Variants in FAM83D observed in about 807,000 individuals in gnomAD.
FAM83D encodes the protein protein FAM83D.
A neutral mutation model predicts 25.4 loss-of-function variants in FAM83D; 26 were observed. The observed-to-expected ratio is 1.02, with a 90% confidence interval of 0.75 to 1.42. FAM83D has a LOEUF of 1.42. Ranked by LOEUF, FAM83D falls within the 40% of genes most tolerant of loss-of-function variation. FAM83D has a pLI of 0.00. For synonymous variants in FAM83D, 310 were observed against 318.5 expected (o/e 0.97, Z 0.28); for missense variants, 740 against 758.1 (o/e 0.98, Z 0.28).
rs2085704425 is a variant in FAM83D, at chr20:38,941,992, A to G, written c.517A>G (p.Ile173Val). The G allele has an allele frequency of 6.2e-7, 1 of 1,614,210 alleles. No individual in the cohort carries two copies. The highest frequency in any genetic ancestry group is 8.5e-7 in the Non-Finnish European group (1 of 1,180,040). Residue 173 changes from isoleucine to valine, a missense_variant, in exon 2 of 4, where the codon ATC becomes GTC. Physicochemically the swap from Ile to Val is conservative, Grantham distance 29. Coordinates refer to ENST00000619850, the MANE Select transcript of FAM83D (RefSeq NM_030919.3). The stretch of plus-strand genomic sequence containing the variant: ...AGTGGTCATGGACGTGTTCACAGAC[A>G]TCGACATCTTCAGAGACCTGCAAGA... ...IAVVMDVFTD[I>V]DIFRDLQEIC...
rs1367784961 is a variant in FAM83D, at chr20:38,952,730, A to G, written c.*210A>G. 3.2e-6 allele frequency: 2 copies of G among 616,150 alleles called. No individual in the cohort carries two copies. Among genetic ancestry groups the G allele is most frequent in the Admixed American group, 3.2e-5 (1 of 30,936 alleles). 38.2% of individuals were successfully genotyped at this position (616,150 alleles called of 1,614,324 possible). A position where few individuals can be genotyped will look rare whatever the true frequency, so the allele number is the denominator to read the frequency against. ...GTATTGGTTTTATGGTTTAAACACT[A>G]TGGATACAGGGGTTTGTTTTGCACA... On this transcript the variant is annotated 3_prime_UTR_variant, in exon 4 of 4. Transcript: ENST00000619850.
chr20:38,933,017 C>T (rs2085664673), intron 1 of FAM83D, among the ~76,000 whole-genome samples: 1 of 152,212 alleles, frequency 6.6e-6, no homozygotes, highest in African/African-American at 2.4e-5. Context: ...CTTTCCTGTT[C>T]TTGCACAACT....
At chr20:38,937,640 A>G (rs2085684408) in intron 1 of FAM83D, among the ~76,000 whole-genome samples, 1 of 152,196 alleles carries the variant, frequency 6.6e-6, no homozygotes, top group Admixed American at 6.5e-5. Flanking sequence ...GATTGCTTCT[A>G]CAGTAGGACT....
chr20:38,936,987 G>A (rs1268065922), intron 1 of FAM83D, among the ~76,000 whole-genome samples: 1 of 152,202 alleles, frequency 6.6e-6, no homozygotes, highest in East Asian at 1.9e-4. Context: ...GAGAGAGGTA[G>A]GCTTGTGATT....
chr20:38,929,502 A>G (rs955576207), intron 1 of FAM83D, among the ~76,000 whole-genome samples: 1 of 152,126 alleles, frequency 6.6e-6, no homozygotes, highest in Non-Finnish European at 1.5e-5. Flanking sequence ...GGGGCAGCCA[A>G]ATTCCCCACA....
chr20:38,950,759 C>G (rs1413124083), intron 3 of FAM83D, among the ~76,000 whole-genome samples: 2 of 152,092 alleles, frequency 1.3e-5, no homozygotes, highest in Non-Finnish European at 2.9e-5. Context: ...AGTTTTCTTA[C>G]CTTTAAAATG....
chr20:38,951,468 C>T, intron 3 of FAM83D, 71 bp from the exon 4 acceptor site: 5 of 1,515,786 alleles, frequency 3.3e-6, no homozygotes, highest in Middle Eastern at 4.1e-4. Context: ...CTATATTATT[C>T]AGATGGACAG....
chr20:38,937,784 T>A (rs2085684807), intron 1 of FAM83D, among the ~76,000 whole-genome samples: 1 of 152,106 alleles, frequency 6.6e-6, no homozygotes, highest in Admixed American at 6.5e-5. Context: ...CTGGGCAACA[T>A]GGTGGGATTC....
At chr20:38,946,848 T>C (rs770277693) in intron 2 of FAM83D, among the ~76,000 whole-genome samples, 7 of 152,250 alleles carry the variant, frequency 4.6e-5, no homozygotes, top group Non-Finnish European at 1.0e-4. Flanking sequence ...TTGTCTGTTA[T>C]GAATAAAGTT....
rs980684891 is a variant in FAM83D at position 38,929,600 on chromosome 20, C to T, written c.483+2675C>T. Among the ~76,000 whole-genome samples, 9 of 146,828 alleles carry T rather than the reference C, an allele frequency of 6.1e-5. No homozygotes were observed. In the Admixed American group the frequency reaches 6.1e-4, roughly 10 times the overall value. On this transcript the variant is annotated intron_variant, in intron 1 of 3. Coordinates refer to ENST00000619850, the MANE Select transcript of FAM83D (RefSeq NM_030919.3). The stretch of plus-strand genomic sequence containing the variant: ...AGTGCTGAATTTGAGGTCCCAAAGA[C>T]AATCTCTTTTGTTTAAAAAAAAAAA...
chr20:38,942,221 C>T (rs2085706121), intron 2 of FAM83D, 95 bp downstream of exon 2: 1 of 1,361,280 alleles, frequency 7.3e-7, no homozygotes, highest in Non-Finnish European at 1.0e-6. Flanking sequence ...TCCCTGTTTA[C>T]AAGGAAGGGA....
At chr20:38,948,167 A>G (rs191849209) in intron 3 of FAM83D, among the ~76,000 whole-genome samples, 167 bp downstream of exon 3, 36 of 152,352 alleles carry the variant, frequency 2.4e-4, no homozygotes, top group Admixed American at 2.2e-3. Context: ...TGTTAGAGGC[A>G]GTTTGGGTGG....
intron 1 of FAM83D, among the ~76,000 whole-genome samples, chr20:38,934,715 G>A (rs1051627656): frequency 2.0e-5 from 3 of 152,114 alleles, no homozygotes; most frequent in Admixed American, 6.6e-5. Flanking sequence ...TCAGGTGTTC[G>A]TCAGTAGAGG....
At chr20:38,936,644 G>A (rs954404471) in intron 1 of FAM83D, among the ~76,000 whole-genome samples, 2 of 151,972 alleles carry the variant, frequency 1.3e-5, no homozygotes, top group East Asian at 1.9e-4. Flanking sequence ...TTTTTAGATG[G>A]CTCCGGAGTC....
At chr20:38,939,931 A>G (rs2085694478) in intron 1 of FAM83D, among the ~76,000 whole-genome samples, 1 of 152,160 alleles carries the variant, frequency 6.6e-6, no homozygotes, top group East Asian at 1.9e-4. Flanking sequence ...CCTGAGGAGG[A>G]AACTGAGGCT....
At chr20:38,949,976 G>A (rs1243253944) in intron 3 of FAM83D, among the ~76,000 whole-genome samples, 3 of 152,088 alleles carry the variant, frequency 2.0e-5, no homozygotes, top group Admixed American at 6.5e-5. Flanking sequence ...CCGCCACCAC[G>A]CCCAGCTAAC....
chr20:38,940,550 T>C (rs1364332490), intron 1 of FAM83D, among the ~76,000 whole-genome samples: 3 of 152,228 alleles, frequency 2.0e-5, no homozygotes, highest in African/African-American at 7.2e-5. Flanking sequence ...AATGTGATTC[T>C]GAGAGACAGG....
chr20:38,930,654 C>A (rs1034687589), intron 1 of FAM83D, among the ~76,000 whole-genome samples: 5 of 144,734 alleles, frequency 3.5e-5, no homozygotes, highest in African/African-American at 1.0e-4. Flanking sequence ...CTAATTTTTT[C>A]TTTTTTTTTT....
At chr20:38,943,363 C>G (rs2085711543) in intron 2 of FAM83D, among the ~76,000 whole-genome samples, 1 of 152,092 alleles carries the variant, frequency 6.6e-6, no homozygotes, top group Non-Finnish European at 1.5e-5. Context: ...ACTGAATCCT[C>G]AAAGCAGCCC....
Sources: gnomAD v4.1 joint callset for allele counts (sites outside exome capture counted in the v4.1 genomes callset) on GRCh38, gnomAD v4.1.1 for gene constraint, MANE v1.5 for transcripts, NCBI Gene and HGNC (gene_info 2026-07-23, HGNC 2026-07-21) for gene names.